Variants in ATP6V0A4 observed in about 807,000 individuals in gnomAD.
ATP6V0A4 encodes V-type proton ATPase 116 kDa subunit a 4.
ATP6V0A4 carries 86 observed loss-of-function variants against 107.3 expected under a neutral mutation model. The ratio of observed to expected loss-of-function variants is 0.80; its 90% CI spans 0.67 to 0.96. The LOEUF (loss-of-function observed/expected upper bound fraction) is 0.96, where lower values mean the gene tolerates loss of function less well. Among genes scored for constraint, ATP6V0A4 ranks in the 40% least tolerant of loss-of-function variants. The pLI is 0.00. For missense variants in ATP6V0A4, 908 were observed against 1,045.6 expected (o/e 0.87, Z 1.81); for synonymous variants, 353 against 381.4 (o/e 0.93, Z 0.87).
At chr7:138,724,477 C>G (rs972273475) in intron 18 of ATP6V0A4, among the ~76,000 whole-genome samples, 1 of 152,176 alleles carries the variant, frequency 6.6e-6, no homozygotes, top group Non-Finnish European at 1.5e-5. Context: ...GGTGTCCATG[C>G]CAGTGGCCTG....
intron 18 of ATP6V0A4, among the ~76,000 whole-genome samples, chr7:138,726,212 ATC>A (rs1804712233): frequency 6.6e-6 from 1 of 151,756 alleles, no homozygotes. Context: ...GATGGTCTCG[ATC>A]TCCTGACCTT....
chr7:138,781,718 T>G (rs928403926), intron 2 of ATP6V0A4, among the ~76,000 whole-genome samples: 8 of 152,216 alleles, frequency 5.3e-5, no homozygotes, highest in African/African-American at 1.4e-4. Flanking sequence ...TCATTTCTTT[T>G]TCTTATGGCA....
intron 20 of ATP6V0A4, among the ~76,000 whole-genome samples, chr7:138,711,026 A>T (rs991936680): frequency 6.6e-6 from 1 of 152,214 alleles, no homozygotes; most frequent in African/African-American, 2.4e-5. Context: ...CGAAAAGTTC[A>T]GGGGCAAATG....
chr7:138,718,906 C>A (rs570309920), intron 19 of ATP6V0A4, among the ~76,000 whole-genome samples: 1 of 152,002 alleles, frequency 6.6e-6, no homozygotes, highest in South Asian at 2.1e-4. Flanking sequence ...TCATCTTGGC[C>A]AGGTGTGGTG....
chr7:138,708,009 A>ATGTTT (rs1341446689), intron 21 of ATP6V0A4, among the ~76,000 whole-genome samples: 5 of 148,526 alleles, frequency 3.4e-5, no homozygotes, highest in South Asian at 2.2e-4. Context: ...CGGATGATTT[A>ATGTTT]TGTTTTATTT....
intron 18 of ATP6V0A4, among the ~76,000 whole-genome samples, chr7:138,727,776 T>C (rs902908367): frequency 3.9e-5 from 6 of 152,210 alleles, no homozygotes; most frequent in African/African-American, 1.4e-4. Context: ...AGAACGACCA[T>C]CTCAAACCGT....
intron 21 of ATP6V0A4, among the ~76,000 whole-genome samples, chr7:138,707,861 G>A (rs1803526068): frequency 6.6e-6 from 1 of 151,120 alleles, no homozygotes; most frequent in Admixed American, 6.6e-5. Context: ...CCCATGACAA[G>A]CCAAGACACC....
chr7:138,719,132 G>A (rs1419016328), intron 19 of ATP6V0A4, among the ~76,000 whole-genome samples: 1 of 152,098 alleles, frequency 6.6e-6, no homozygotes. Context: ...GCTGCTGTGA[G>A]CCATGATTGT....
At chr7:138,713,530 A>C (rs944206107) in intron 20 of ATP6V0A4, among the ~76,000 whole-genome samples, 1 of 152,102 alleles carries the variant, frequency 6.6e-6, no homozygotes. Flanking sequence ...AGGAATGCTA[A>C]GATAAAAGTC....
In ATP6V0A4 at chr7:138,722,034, A is replaced by G; in HGVS notation, c.2011-9T>C. 1.2e-6 allele frequency: 2 copies of G among 1,614,110 alleles called. No homozygotes were observed. Among genetic ancestry groups the G allele is most frequent in the Non-Finnish European group, 1.7e-6 (2 of 1,180,014 alleles). On this transcript the variant is annotated splice_polypyrimidine_tract_variant and intron_variant, in intron 18 of 21. Coordinates refer to ENST00000310018, the MANE Select transcript of ATP6V0A4 (RefSeq NM_020632.3). Reference sequence around the variant, plus strand: ...ATCCTGGATGCCTGCAGCTGACAACAAGCAGGGAAATGAGGAATGCGCTCA... The same window carrying G: ...ATCCTGGATGCCTGCAGCTGACAACGAGCAGGGAAATGAGGAATGCGCTCA...
chr7:138,757,220 A>G (rs1181982043), intron 8 of ATP6V0A4, among the ~76,000 whole-genome samples: 1 of 152,192 alleles, frequency 6.6e-6, no homozygotes, highest in East Asian at 1.9e-4. Flanking sequence ...GTAAAGGTAA[A>G]ATGACAAAAC....
intron 5 of ATP6V0A4, 183 bp from the exon 6 acceptor site, chr7:138,763,208 CA>C: frequency 5.5e-6 from 2 of 362,478 alleles, no homozygotes; most frequent in Middle Eastern, 1.3e-3. Context: ...CACACACACA[CA>C]CACGTGCATG....
At chr7:138,744,791 C>T (rs1273482790) in intron 14 of ATP6V0A4, among the ~76,000 whole-genome samples, 1 of 152,188 alleles carries the variant, frequency 6.6e-6, no homozygotes, top group Non-Finnish European at 1.5e-5. Flanking sequence ...CAACCTCCGC[C>T]TCCCAGGCTC....
chr7:138,780,172 C>A (rs958674447), intron 2 of ATP6V0A4: 2 of 152,188 alleles, frequency 1.3e-5, no homozygotes, highest in African/African-American at 4.8e-5. Context: ...GCAGCAATCC[C>A]CAACCTTTTT....
intron 15 of ATP6V0A4, among the ~76,000 whole-genome samples, chr7:138,738,218 C>A (rs1805444891): frequency 6.6e-6 from 1 of 152,164 alleles, no homozygotes; most frequent in South Asian, 2.1e-4. Flanking sequence ...TTCTCTTTCA[C>A]CCTGACATAT....
chr7:138,734,574 C>T (rs935404024), intron 15 of ATP6V0A4, among the ~76,000 whole-genome samples: 6 of 151,888 alleles, frequency 4.0e-5, no homozygotes, highest in South Asian at 2.1e-4. Context: ...CTCAGGAGTT[C>T]GAGACCAGTC....
At chr7:138,751,203 C>T (rs1395536520) in intron 11 of ATP6V0A4, among the ~76,000 whole-genome samples, 1 of 152,168 alleles carries the variant, frequency 6.6e-6, no homozygotes, top group Admixed American at 6.5e-5. Flanking sequence ...AAGCTAATCA[C>T]ATCCTTCTGC....
At chr7:138,708,611 T>C (rs920212189) in intron 21 of ATP6V0A4, among the ~76,000 whole-genome samples, 1 of 152,204 alleles carries the variant, frequency 6.6e-6, no homozygotes, top group Non-Finnish European at 1.5e-5. Flanking sequence ...GGCCTAAACA[T>C]GTTTCCATAT....
intron 18 of ATP6V0A4, among the ~76,000 whole-genome samples, chr7:138,725,521 T>A (rs908153541): frequency 7.5e-4 from 114 of 152,214 alleles, no homozygotes; most frequent in African/African-American, 2.6e-3. Flanking sequence ...AAAACTTTTT[T>A]TTTTTTTGAG....
Sources: gnomAD v4.1 joint callset for allele counts (sites outside exome capture counted in the v4.1 genomes callset) on GRCh38, gnomAD v4.1.1 for gene constraint, MANE v1.5 for transcripts, NCBI Gene and HGNC (gene_info 2026-07-23, HGNC 2026-07-21) for gene names.